RFTN1: variants seen among roughly 807,000 people sequenced by gnomAD.
The protein encoded by RFTN1 is raftlin, lipid raft linker 1.
Under a neutral mutation model 46.5 loss-of-function variants are expected in RFTN1, and 26 were observed. The observed-to-expected ratio is 0.56, with a 90% CI of 0.41 to 0.78. RFTN1 has a LOEUF of 0.78. Ranked by LOEUF, RFTN1 falls within the 30% of genes least tolerant of loss-of-function variation. The pLI is 0.00. For missense variants in RFTN1, 693 were observed against 718.7 expected (o/e 0.96, Z 0.41); for synonymous variants, 261 against 284.2 (o/e 0.92, Z 0.82).
chr3:16,449,472 T>G lies in RFTN1; in HGVS notation c.146-15435A>C, dbSNP rs754847390. Among the ~76,000 whole-genome samples the G allele has an allele frequency of 6.6e-6, 1 of 152,138 alleles. No individual in the cohort carries two copies. Among genetic ancestry groups the G allele is most frequent in the Non-Finnish European group, 1.5e-5 (1 of 68,006 alleles). ...CTTTCTCATCAGGCTGCTATGAAGA[T>G]TGAGATAATGCACATAAAGTCCTAG... On this transcript the variant is annotated intron_variant, in intron 2 of 9. Transcript: ENST00000334133. This position sits in a 1 kb window ranked among gnomAD's most constrained non-coding sequence, Gnocchi z 5.1.
intron 7 of RFTN1, among the ~76,000 whole-genome samples, chr3:16,355,268 C>G (rs946671462): frequency 6.6e-6 from 1 of 152,256 alleles, no homozygotes; most frequent in African/African-American, 2.4e-5. Context: ...AACCCCACTT[C>G]TTGGTACCAA....
intron 4 of RFTN1, among the ~76,000 whole-genome samples, chr3:16,394,045 G>C (rs897579596): frequency 6.6e-6 from 1 of 151,978 alleles, no homozygotes; most frequent in South Asian, 2.1e-4. Flanking sequence ...TGCTATAGTA[G>C]GCAATCTTCT....
intron 7 of RFTN1, among the ~76,000 whole-genome samples, chr3:16,354,816 C>T (rs1445619271): frequency 6.6e-6 from 1 of 152,230 alleles, no homozygotes; most frequent in African/African-American, 2.4e-5. Flanking sequence ...CAGCCAAGAA[C>T]AGCTACACTG....
intron 8 of RFTN1, among the ~76,000 whole-genome samples, chr3:16,324,612 G>C (rs1574963117): frequency 1.4e-5 from 1 of 71,064 alleles, no homozygotes; most frequent in Non-Finnish European, 2.9e-5. Flanking sequence ...GAATGTCCCT[G>C]ACCCCCCCCC....
Position 16,323,412 on chromosome 3 carries a change from A to C in RFTN1, c.1296T>G (p.Pro432=), listed in dbSNP as rs690216. Residue 432 remains proline, a synonymous_variant, in exon 9 of 10, where the codon CCT becomes CCG. Coordinates refer to ENST00000334133, the MANE Select transcript of RFTN1 (RefSeq NM_015150.2). ...TCTTCTTGATTTTCTGAGGTAGACA[A>C]GGTCTCTGAAGAAAGACAATCTGCT... ...STKQIVFLQR[P]CLPQKIKKKE... is the part of the protein sequence containing the mutation. The C allele has an allele frequency of 0.56, 896,709 of 1,604,842 alleles. 253,138 individuals are homozygous for C. Among genetic ancestry groups the C allele is most frequent in the African/African-American group, 0.71 (52,536 of 74,458 alleles).
chr3:16,445,503 A>T lies in RFTN1; in HGVS notation c.146-11466T>A, dbSNP rs1485199300. On this transcript the variant is annotated intron_variant, in intron 2 of 9. Coordinates refer to ENST00000334133, the MANE Select transcript of RFTN1 (RefSeq NM_015150.2). ...CTCTCTCACACACACACACACACAC[A>T]CACACACACACACACACAGCTCTCT... 5.1e-3 allele frequency among the ~76,000 whole-genome samples: 777 copies of T among 151,008 alleles called. 10 individuals are homozygous for T. The highest frequency in any genetic ancestry group is 0.018 in the African/African-American group (728 of 41,062).
chr3:16,463,259 C>T (rs2076037230), intron 2 of RFTN1, among the ~76,000 whole-genome samples: 1 of 152,202 alleles, frequency 6.6e-6, no homozygotes, highest in Non-Finnish European at 1.5e-5. Context: ...TCAAACACTG[C>T]TTCTGTCTCA....
At position 16,345,264 on chromosome 3, in the gene RFTN1, T is replaced by TTTGTG. The variant is rs1491581919; in HGVS notation, c.1146+12667_1146+12668insCACAA. On this transcript the variant is annotated intron_variant, in intron 7 of 9. Coordinates refer to ENST00000334133, the MANE Select transcript of RFTN1 (RefSeq NM_015150.2). The surrounding 1 kb of genome is among the most constrained non-coding windows in gnomAD (Gnocchi z 5.2). ...AAACTGTAAGATAATAAGTAGGTGG[T>TTTGTG]TGTGTGTGTGTGTGTGTGTGTGTGT... The TTTGTG allele has an allele frequency of 3.4e-5, 5 of 145,930 alleles. No individual in the cohort carries two copies. Among genetic ancestry groups the TTTGTG allele is most frequent in the African/African-American group, 1.1e-4 (4 of 37,852 alleles). 9.0% of individuals were successfully genotyped at this position (145,930 alleles called of 1,614,324 possible). A position where few individuals can be genotyped will look rare whatever the true frequency, so the allele number is the denominator to read the frequency against.
At chr3:16,412,991 T>A (rs1237308371) in intron 3 of RFTN1, among the ~76,000 whole-genome samples, 1 of 152,236 alleles carries the variant, frequency 6.6e-6, no homozygotes, top group Non-Finnish European at 1.5e-5. Context: ...TACAGCCTGA[T>A]AAAATTCTGA....
chr3:16,377,430 G>A (rs1223674924), intron 5 of RFTN1, among the ~76,000 whole-genome samples: 3 of 152,192 alleles, frequency 2.0e-5, no homozygotes, highest in Non-Finnish European at 2.9e-5. Flanking sequence ...AATTTCGAGA[G>A]CACAGGAGAT....
chr3:16,393,651 CT>C (rs35917033), intron 4 of RFTN1, among the ~76,000 whole-genome samples: 5,163 of 141,724 alleles, frequency 0.036, 135 homozygotes, highest in Middle Eastern at 0.077. Context: ...AGCTGATGGA[CT>C]TTTTTTTTTT....
intron 2 of RFTN1, 32 bp downstream of exon 2, chr3:16,493,693 T>C: frequency 1.8e-6 from 2 of 1,102,202 alleles, no homozygotes; most frequent in Non-Finnish European, 2.4e-6. Flanking sequence ...AGACCCCACC[T>C]GCCCCCATCC....
In RFTN1 at chr3:16,322,372, T is replaced by G. The variant is rs1175532058; in HGVS notation, c.1332+1004A>C. 6.6e-6 allele frequency among the ~76,000 whole-genome samples: 1 copy of G among 152,226 alleles called. No individual in the cohort carries two copies. Among genetic ancestry groups the G allele is most frequent in the African/African-American group, 2.4e-5 (1 of 41,458 alleles). On this transcript the variant is annotated intron_variant, in intron 9 of 9. Transcript: ENST00000334133. This position sits in a 1 kb window ranked among gnomAD's most constrained non-coding sequence, Gnocchi z 6.2. ...CTGGTGAGGGGCTGCTCCAATCTGT[T>G]CATTTACTTGATGCTCCTTCCCAGG...
At chr3:16,411,094 A>G (rs1284323241) in intron 3 of RFTN1, among the ~76,000 whole-genome samples, 1 of 152,110 alleles carries the variant, frequency 6.6e-6, no homozygotes, top group Non-Finnish European at 1.5e-5. Flanking sequence ...GCACTGGTGG[A>G]GGAGGGAGCA....
rs1481868126 is a variant in RFTN1 at position 16,440,391 on chromosome 3, G to C, written c.146-6354C>G. On this transcript the variant is annotated intron_variant, in intron 2 of 9. Transcript: ENST00000334133. This position sits in a 1 kb window ranked among gnomAD's most constrained non-coding sequence, Gnocchi z 4.6. ...AGCTAATTTTTGTATTTTTAGTAGAGTCAGGGTTTCACTATGTTGGCCAGG... is the reference window on the plus strand; with the variant it reads ...AGCTAATTTTTGTATTTTTAGTAGACTCAGGGTTTCACTATGTTGGCCAGG... Among the ~76,000 whole-genome samples the C allele has an allele frequency of 6.6e-6, 1 of 152,172 alleles. No homozygotes were observed. The highest frequency in any genetic ancestry group is 2.4e-5 in the African/African-American group (1 of 41,438).
At chr3:16,490,314 A>T (rs2076519897) in intron 2 of RFTN1, among the ~76,000 whole-genome samples, 1 of 152,228 alleles carries the variant, frequency 6.6e-6, no homozygotes, top group South Asian at 2.1e-4. Flanking sequence ...GAACAAATCC[A>T]GGTGGGTGGG....
rs574607166 is a variant in RFTN1 at position 16,428,904 on chromosome 3, A to G, written c.332+4947T>C. Reference sequence around the variant, plus strand: ...ACTCATTCTAAGGAAAACTACTTGAAAAAAATGAAGGATCACTTAACTATA... The same window carrying G: ...ACTCATTCTAAGGAAAACTACTTGAGAAAAATGAAGGATCACTTAACTATA... On this transcript the variant is annotated intron_variant, in intron 3 of 9. Transcript: ENST00000334133. This position sits in a 1 kb window ranked among gnomAD's most constrained non-coding sequence, Gnocchi z 4.7. Among the ~76,000 whole-genome samples, 1 of 152,366 alleles carries G rather than the reference A, an allele frequency of 6.6e-6. No individual in the cohort carries two copies. The highest frequency in any genetic ancestry group is 1.9e-4 in the East Asian group (1 of 5,190).
intron 6 of RFTN1, among the ~76,000 whole-genome samples, chr3:16,367,674 T>G (rs750935360): frequency 6.6e-6 from 1 of 152,192 alleles, no homozygotes; most frequent in Non-Finnish European, 1.5e-5. Context: ...TAACAGTATT[T>G]CAAACACTCA....
intron 3 of RFTN1, among the ~76,000 whole-genome samples, chr3:16,432,712 T>C (rs142665288): frequency 3.9e-3 from 597 of 152,086 alleles, no homozygotes; most frequent in Non-Finnish European, 5.5e-3. Context: ...GACAAACTAA[T>C]ACACATAAAA....
Sources: gnomAD v4.1 joint callset for allele counts (sites outside exome capture counted in the v4.1 genomes callset) on GRCh38, gnomAD v4.1.1 for gene constraint, Gnocchi (gnomAD v3.1) non-coding constraint, MANE v1.5 for transcripts, NCBI Gene and HGNC (gene_info 2026-07-23, HGNC 2026-07-21) for gene names.